Variants in FANCM observed in about 807,000 individuals in gnomAD.
The protein encoded by FANCM is FA complementation group M, also known as Fanconi anemia group M protein.
In FANCM, 140 loss-of-function variants were observed where a neutral mutation model predicts 199.5. The observed-to-expected ratio is 0.70, with a 90% CI of 0.61 to 0.81. The LOEUF is 0.81. FANCM is among the 30% of genes least tolerant of loss of function. The pLI is 0.00. For synonymous variants in FANCM, 840 were observed against 836.8 expected (o/e 1.00, Z -0.07); for missense variants, 2,410 against 2,421.4 (o/e 1.00, Z 0.10).
At chr14:45,161,302 C>A (rs1887589064) in intron 9 of FANCM, among the ~76,000 whole-genome samples, 1 of 152,098 alleles carries the variant, frequency 6.6e-6, no homozygotes, top group Non-Finnish European at 1.5e-5. Flanking sequence ...AGCTTGCAGG[C>A]AAATAATTGT....
In FANCM at chr14:45,167,007, A is replaced by G. The variant is rs763557682; in HGVS notation, c.1846A>G (p.Arg616Gly). 1.4e-5 allele frequency: 23 copies of G among 1,610,452 alleles called. No homozygotes were observed. Among genetic ancestry groups the G allele is most frequent in the Non-Finnish European group, 1.9e-5 (22 of 1,176,762 alleles). The part of the protein sequence containing the change: ...RSIYKAISSN[R>G]QVLHFYQRSP... ...TATATATAAAGCTATTTCAAGTAAC[A>G]GGCAGGTCCTTCATTTTTACCAAAG... Residue 616 changes from arginine (R) to glycine (G), a missense_variant, in exon 11 of 23, where the codon AGG becomes GGG. Arg to Gly is a moderately radical substitution (Grantham distance 125). Transcript: ENST00000267430.
intron 17 of FANCM, among the ~76,000 whole-genome samples, chr14:45,184,316 G>A (rs1357357250): frequency 6.6e-6 from 1 of 152,114 alleles, no homozygotes; most frequent in Non-Finnish European, 1.5e-5. Flanking sequence ...TTGTGGTGCA[G>A]TAATTTTCTT....
At chr14:45,148,269 CCT>C (rs905246599) in intron 3 of FANCM, among the ~76,000 whole-genome samples, 21 of 151,408 alleles carry the variant, frequency 1.4e-4, no homozygotes, top group Non-Finnish European at 2.9e-5. Flanking sequence ...CTCTCAGGAT[CCT>C]CTCTTTTTTT....
In FANCM at chr14:45,149,003, A is replaced by T; in HGVS notation, c.918+8A>T. 1.2e-6 allele frequency: 2 copies of T among 1,606,328 alleles called. No homozygotes were observed. The highest frequency in any genetic ancestry group is 2.2e-5 in the South Asian group (2 of 90,856). On this transcript the variant is annotated splice_region_variant and intron_variant, in intron 4 of 22. Coordinates refer to ENST00000267430, the MANE Select transcript of FANCM (RefSeq NM_020937.4). ...CAAAAGACCTATATCCAGGTAAACC[A>T]TTTTTATGACATTTAGGGATTTCAT...
intron 5 of FANCM, among the ~76,000 whole-genome samples, chr14:45,151,793 AT>A (rs1450905122): frequency 6.6e-6 from 1 of 151,342 alleles, no homozygotes; most frequent in Non-Finnish European, 1.5e-5. Context: ...GTGTGGTGGT[AT>A]GTACCTACTC....
At chr14:45,166,034 T>TA (rs1245439409) in intron 10 of FANCM, among the ~76,000 whole-genome samples, 1 of 152,188 alleles carries the variant, frequency 6.6e-6, no homozygotes, top group African/African-American at 2.4e-5. Context: ...ATCAGTCTTT[T>TA]TTAAAAACAG....
rs772645088 is a variant in FANCM, at chr14:45,170,639, T to C, written c.2053T>C (p.Phe685Leu). Residue 685 changes from phenylalanine to leucine, a missense_variant, in exon 12 of 23, where the codon TTT (phenylalanine) becomes CTT (leucine). Phe to Leu is a conservative substitution (Grantham distance 22). Transcript: ENST00000267430. ...AGATTGGTTCTTATCAGAAGAAGAA[T>C]TTAAATTATGGAACAGACTTTATAG... ...KKDWFLSEEE[F>L]KLWNRLYRLR... The C allele has an allele frequency of 4.4e-6, 7 of 1,603,374 alleles. No individual in the cohort carries two copies. In the African/African-American group the frequency reaches 8.0e-5, roughly 18 times the overall value.
At position 45,176,756 on chromosome 14, in the gene FANCM, A is replaced by C; in HGVS notation, c.4002A>C (p.Lys1334Asn). The change falls in exon 14 of 23, where the codon AAA (lysine) becomes AAC (asparagine). Residue 1334 changes from lysine to asparagine, a missense_variant. By Grantham distance (94) the Lys-to-Asn change is moderately conservative. Coordinates refer to ENST00000267430, the MANE Select transcript of FANCM (RefSeq NM_020937.4). The stretch of plus-strand genomic sequence containing the variant: ...CTCAGTTTTCTTTACCAGTGCAAAA[A>C]AAAGTTATGAGTACACCACTCTCTA... ...GYSQFSLPVQ[K>N]KVMSTPLSKS... 6.2e-7 allele frequency: 1 copy of C among 1,612,820 alleles called. No homozygotes were observed. The highest frequency in any genetic ancestry group is 8.5e-7 in the Non-Finnish European group (1 of 1,179,414).
chr14:45,148,781 T>G, intron 3 of FANCM, 56 bp from the exon 4 acceptor site: 1 of 1,308,560 alleles, frequency 7.6e-7, no homozygotes, highest in South Asian at 1.3e-5. Context: ...GTTAGTGACT[T>G]AAACTAAAAA....
In FANCM at chr14:45,137,259, C is replaced by A. The variant is rs2139107382; in HGVS notation, c.681+18C>A. ...ATTGCCAGGTAATAATTTTGTTAAA[C>A]GGTATTTTGTATTGTAACTGTACTG... On this transcript the variant is annotated intron_variant, in intron 2 of 22. Transcript: ENST00000267430. The A allele has an allele frequency of 6.2e-7, 1 of 1,605,066 alleles. No homozygotes were observed. Among genetic ancestry groups the A allele is most frequent in the East Asian group, 2.2e-5 (1 of 44,836 alleles).
Position 45,159,092 on chromosome 14 carries a change from A to G in FANCM, c.1397-4A>G, listed in dbSNP as rs765857460. The G allele has an allele frequency of 4.1e-5, 63 of 1,554,108 alleles. No individual in the cohort carries two copies. The highest frequency in any genetic ancestry group is 5.2e-5 in the Non-Finnish European group (59 of 1,133,260). Reference sequence around the variant, plus strand: ...GTAATTAAAGTTTTTATATATATATATAGCTGAAAACACTACTGAAAAGAA... The same window carrying G: ...GTAATTAAAGTTTTTATATATATATGTAGCTGAAAACACTACTGAAAAGAA... On this transcript the variant is annotated splice_polypyrimidine_tract_variant and splice_region_variant and intron_variant, in intron 8 of 22. Coordinates refer to ENST00000267430, the MANE Select transcript of FANCM (RefSeq NM_020937.4).
rs547223696 is a variant in FANCM, at chr14:45,175,227, A to G, written c.2473A>G (p.Ser825Gly). 5 of 1,611,726 alleles carry G rather than the reference A, an allele frequency of 3.1e-6. No homozygotes were observed. The highest frequency in any genetic ancestry group is 2.2e-5 in the South Asian group (2 of 90,238). The change falls in exon 14 of 23, where the codon AGT becomes GGT. Residue 825 changes from serine (S) to glycine (G), a missense_variant. Ser to Gly is a moderately conservative substitution (Grantham distance 56). Transcript: ENST00000267430. ...SSFIKNINQG[S>G]SSSVIESDEE... ...ATTTATAAAGAACATAAATCAAGGC[A>G]GTTCATCCTCAGTGATAGAATCTGA...
intron 12 of FANCM, 152 bp downstream of exon 12, chr14:45,170,898 G>A: frequency 1.4e-6 from 1 of 702,870 alleles, no homozygotes; most frequent in Non-Finnish European, 2.5e-6. Flanking sequence ...AATTAAGAAT[G>A]TAATCAGTGT....
chr14:45,198,709 G>T lies in FANCM; in HGVS notation c.5782G>T (p.Ala1928Ser), dbSNP rs1890206013. The part of the protein sequence containing the change: ...YDSLLTTLIG[A>S]GIRILFSSCQ... ...CAGCCTGCTGACTACCTTAATTGGC[G>T]CTGGAATCCGAATTCTTTTCAGTTC... Residue 1928 changes from alanine to serine, a missense_variant, in exon 22 of 23, where the codon GCT becomes TCT. Coordinates refer to ENST00000267430, the MANE Select transcript of FANCM (RefSeq NM_020937.4). 1 of 1,613,818 alleles carries T rather than the reference G, an allele frequency of 6.2e-7. No individual in the cohort carries two copies. The highest frequency in any genetic ancestry group is 8.5e-7 in the Non-Finnish European group (1 of 1,179,796).
intron 16 of FANCM, among the ~76,000 whole-genome samples, chr14:45,183,404 A>T (rs1176772187): frequency 6.6e-6 from 1 of 152,146 alleles, no homozygotes; most frequent in East Asian, 1.9e-4. Context: ...TTGATGGCCA[A>T]ATTTATAGGC....
At chr14:45,192,355 C>G (rs1466664247) in intron 20 of FANCM, among the ~76,000 whole-genome samples, 2 of 152,164 alleles carry the variant, frequency 1.3e-5, no homozygotes, top group Non-Finnish European at 2.9e-5. Context: ...AAAAATAATT[C>G]AGCTGACCAG....
chr14:45,176,531 A>T lies in FANCM; in HGVS notation c.3777A>T (p.Leu1259=), dbSNP rs759051559. The T allele has an allele frequency of 1.2e-6, 2 of 1,601,378 alleles. No homozygotes were observed. The highest frequency in any genetic ancestry group is 2.2e-5 in the South Asian group (2 of 89,048). ...ATAGCAATAGACCTCTAGATGATCTATATGGAAGGTATTTGGAAATTAAGG... is the reference window on the plus strand; with the variant it reads ...ATAGCAATAGACCTCTAGATGATCTTTATGGAAGGTATTTGGAAATTAAGG... ...TSDSNRPLDD[L]YGRYLEIKEI... is the part of the protein sequence containing the mutation. Residue 1259 remains leucine (L), a synonymous_variant, in exon 14 of 23, where the codon CTA becomes CTT. Transcript: ENST00000267430.
chr14:45,149,578 A>G (rs1041097235), intron 4 of FANCM, among the ~76,000 whole-genome samples: 1 of 152,002 alleles, frequency 6.6e-6, no homozygotes, highest in African/African-American at 2.4e-5. Context: ...TTGTTGGCCA[A>G]GCTGGTCTTG....
Position 45,189,125 on chromosome 14 carries a change from G to A in FANCM, c.5103G>A (p.Gln1701=), listed in dbSNP as rs1160184503. The A allele has an allele frequency of 6.2e-7, 1 of 1,614,014 alleles. No individual in the cohort carries two copies. Among genetic ancestry groups the A allele is most frequent in the Admixed American group, 1.7e-5 (1 of 59,998 alleles). The change falls in exon 20 of 23, where the codon CAG becomes CAA. Residue 1701 remains glutamine (Q), a synonymous_variant. Transcript: ENST00000267430. Reference sequence around the variant, plus strand: ...GCACTGTTAAGAAGAACAAACAACAGGACCATTGTTTAAATTCAGTGCCTT... The same window carrying A: ...GCACTGTTAAGAAGAACAAACAACAAGACCATTGTTTAAATTCAGTGCCTT... ...NPSTVKKNKQ[Q]DHCLNSVPSG... is the part of the protein sequence containing the mutation.
Sources: gnomAD v4.1 joint callset for allele counts (sites outside exome capture counted in the v4.1 genomes callset) on GRCh38, gnomAD v4.1.1 for gene constraint, MANE v1.5 for transcripts, NCBI Gene and HGNC (gene_info 2026-07-23, HGNC 2026-07-21) for gene names.